The following DNM3 variants were observed in gnomAD, a reference collection of about 807,000 sequenced individuals.
DNM3 encodes dynamin-3.
In DNM3, 47 loss-of-function variants were observed where a neutral mutation model predicts 101.6. The observed-to-expected ratio is 0.46, with a 90% CI of 0.37 to 0.59. The LOEUF (loss-of-function observed/expected upper bound fraction) is 0.59. Among genes scored for constraint, DNM3 ranks in the 20% least tolerant of loss-of-function variants. The pLI is 0.00. For missense variants in DNM3, 849 were observed against 1,085.7 expected (o/e 0.78, Z 3.06); for synonymous variants, 385 against 387.9 (o/e 0.99, Z 0.09).
intron 2 of DNM3, 48 bp downstream of exon 2, chr1:171,921,869 C>T (rs1179163909): frequency 1.3e-6 from 2 of 1,521,774 alleles, no homozygotes; most frequent in South Asian, 2.4e-5. Context: ...TCCTGTGGCC[C>T]CTTTTGCCTT....
intron 13 of DNM3, among the ~76,000 whole-genome samples, chr1:172,122,891 C>T (rs893637496): frequency 6.6e-6 from 1 of 152,150 alleles, no homozygotes; most frequent in Non-Finnish European, 1.5e-5. Context: ...TTTTCCTCAC[C>T]TATCGGGGAG....
chr1:172,410,149 G>A lies in DNM3; in HGVS notation c.*2308G>A, dbSNP rs2071125649. The A allele has an allele frequency of 1.0e-6, 1 of 985,162 alleles. No individual in the cohort carries two copies. Among genetic ancestry groups the A allele is most frequent in the African/African-American group, 1.7e-5 (1 of 57,210 alleles). 61.0% of individuals were successfully genotyped at this position (985,162 alleles called of 1,614,324 possible). ...CTAGAATTTCAGCAGTGACATTGGA[G>A]AATATTTTTAATTTGCTGCAGTACT... On this transcript the variant is annotated 3_prime_UTR_variant, in exon 21 of 21. Transcript: ENST00000627582.
intron 16 of DNM3, among the ~76,000 whole-genome samples, chr1:172,322,231 T>C (rs1288013552): frequency 5.3e-5 from 8 of 152,170 alleles, no homozygotes; most frequent in African/African-American, 1.9e-4. Flanking sequence ...TAAAACTAAA[T>C]GCCAAATCTA....
At position 171,991,297 on chromosome 1, in the gene DNM3, A is replaced by G. The variant is rs116474735; in HGVS notation, c.589+2149A>G. 7.5e-3 allele frequency among the ~76,000 whole-genome samples: 1,135 copies of G among 152,250 alleles called. 12 individuals are homozygous for G. The highest frequency in any genetic ancestry group is 0.026 in the African/African-American group (1,064 of 41,556). ...CACTGATTGAGGGTTCAGTCCCACA[A>G]GATGACCCCCACTTCTGATGCCAGT... On this transcript the variant is annotated intron_variant, in intron 4 of 20. Transcript: ENST00000627582.
chr1:172,163,952 T>TAC (rs1297749449), intron 14 of DNM3, among the ~76,000 whole-genome samples: 2 of 110,796 alleles, frequency 1.8e-5, no homozygotes, highest in Non-Finnish European at 3.7e-5. Flanking sequence ...TGCATACATA[T>TAC]ATATACACAC....
intron 20 of DNM3, chr1:172,393,412 ATTC>A (rs1319892854): frequency 6.6e-6 from 1 of 152,548 alleles, no homozygotes; most frequent in Non-Finnish European, 1.5e-5. Flanking sequence ...CAAATTCACG[ATTC>A]TTATGAGTGT....
intron 14 of DNM3, among the ~76,000 whole-genome samples, chr1:172,239,572 A>G (rs1337550850): frequency 1.3e-5 from 2 of 152,024 alleles, no homozygotes; most frequent in East Asian, 1.9e-4. Flanking sequence ...ACCATTTGTC[A>G]TTTCCTCTTG....
chr1:172,214,656 T>C (rs1038335253), intron 14 of DNM3, among the ~76,000 whole-genome samples: 27 of 152,138 alleles, frequency 1.8e-4, no homozygotes, highest in Non-Finnish European at 5.9e-5. Context: ...CTATAGTTAA[T>C]ATCCTGCAGC....
chr1:172,405,372 G>A (rs539919796), intron 20 of DNM3, among the ~76,000 whole-genome samples: 5 of 152,068 alleles, frequency 3.3e-5, no homozygotes, highest in African/African-American at 7.2e-5. Context: ...TACGTGCTAC[G>A]AGAGACACAA....
intron 10 of DNM3, among the ~76,000 whole-genome samples, chr1:172,056,421 CT>C (rs2050626982): frequency 6.6e-6 from 1 of 152,198 alleles, no homozygotes; most frequent in Non-Finnish European, 1.5e-5. Context: ...CAGCAGTAAC[CT>C]CTGCAGACTT....
intron 17 of DNM3, among the ~76,000 whole-genome samples, chr1:172,326,278 C>T (rs1376125361): frequency 1.3e-5 from 2 of 152,074 alleles, no homozygotes; most frequent in African/African-American, 4.8e-5. Flanking sequence ...ACTTATTTTT[C>T]CCTTTGAAAA....
chr1:172,238,231 G>A (rs1194423885), intron 14 of DNM3, among the ~76,000 whole-genome samples: 3 of 152,074 alleles, frequency 2.0e-5, no homozygotes, highest in Non-Finnish European at 4.4e-5. Flanking sequence ...CACAGACTCT[G>A]GGGGTCAGAG....
intron 13 of DNM3, among the ~76,000 whole-genome samples, chr1:172,121,625 A>G (rs566181183): frequency 1.4e-4 from 22 of 152,202 alleles, no homozygotes; most frequent in Admixed American, 5.9e-4. Context: ...AAAGTGAGAA[A>G]GGGACTCCTT....
At chr1:172,271,038 AAAT>A (rs1319182500) in intron 15 of DNM3, among the ~76,000 whole-genome samples, 1 of 152,134 alleles carries the variant, frequency 6.6e-6, no homozygotes, top group African/African-American at 2.4e-5. Context: ...TTGCTTCAGA[AAAT>A]AAATAAGTTG....
intron 14 of DNM3, among the ~76,000 whole-genome samples, chr1:172,204,966 T>C (rs1422544000): frequency 6.6e-6 from 1 of 152,164 alleles, no homozygotes; most frequent in Admixed American, 6.6e-5. Flanking sequence ...GAATTCAAAT[T>C]AGTGAATTAC....
intron 17 of DNM3, among the ~76,000 whole-genome samples, chr1:172,349,088 GA>G (rs2067083458): frequency 6.6e-6 from 1 of 152,108 alleles, no homozygotes; most frequent in African/African-American, 2.4e-5. Context: ...ACATGTCCAG[GA>G]ATATTAGTTT....
chr1:172,357,888 T>C (rs2067531583), intron 17 of DNM3, among the ~76,000 whole-genome samples: 1 of 152,058 alleles, frequency 6.6e-6, no homozygotes, highest in Non-Finnish European at 1.5e-5. Context: ...ATATGTTACC[T>C]CCAGTTCTGT....
At chr1:172,332,470 C>T (rs533012938) in intron 17 of DNM3, among the ~76,000 whole-genome samples, 37 of 152,160 alleles carry the variant, frequency 2.4e-4, no homozygotes, top group African/African-American at 5.3e-4. Context: ...CTGCCACATC[C>T]GGCTAATGTT....
intron 14 of DNM3, among the ~76,000 whole-genome samples, chr1:172,249,150 C>T (rs2062070864): frequency 1.3e-5 from 2 of 152,178 alleles, no homozygotes; most frequent in African/African-American, 4.8e-5. Context: ...ATCCTCTGCT[C>T]ATACCCATTG....
Sources: gnomAD v4.1 joint callset for allele counts (sites outside exome capture counted in the v4.1 genomes callset) on GRCh38, gnomAD v4.1.1 for gene constraint, MANE v1.5 for transcripts, NCBI Gene and HGNC (gene_info 2026-07-23, HGNC 2026-07-21) for gene names.